Variants in SV2B observed in about 807,000 individuals in gnomAD.
SV2B encodes the protein synaptic vesicle glycoprotein 2B, also known as solute carrier family 22 member B2.
SV2B carries 41 observed loss-of-function variants against 73.9 expected under a neutral mutation model. That is an observed-to-expected ratio of 0.56 (90% CI 0.43 to 0.72). SV2B has a LOEUF of 0.72. Ranked by LOEUF, SV2B falls within the 30% of genes least tolerant of loss-of-function variation. The pLI is 0.00. For synonymous variants in SV2B, 314 were observed against 314.2 expected (o/e 1.00, Z 0.01); for missense variants, 764 against 857.8 (o/e 0.89, Z 1.37).
At chr15:91,119,717 A>G (rs990666181) in intron 1 of SV2B, among the ~76,000 whole-genome samples, 2 of 152,260 alleles carry the variant, frequency 1.3e-5, no homozygotes, top group African/African-American at 4.8e-5. Flanking sequence ...AGCTAGCACT[A>G]TGCATGTGCC....
chr15:91,194,973 CAGAATGAAGATGAAGG>C (rs1327988681), intron 1 of SV2B, among the ~76,000 whole-genome samples: 7,980 of 152,240 alleles, frequency 0.052, 676 homozygotes, highest in African/African-American at 0.18. Context: ...TATTCAGGAT[CAGAATGAAGATGAAGG>C]CATGGAGCAG....
At chr15:91,134,815 C>A (rs2141166239) in intron 1 of SV2B, among the ~76,000 whole-genome samples, 1 of 152,136 alleles carries the variant, frequency 6.6e-6, no homozygotes, top group Non-Finnish European at 1.5e-5. Flanking sequence ...CAAAAACTGC[C>A]CTGTACCAAA....
chr15:91,266,720 G>T, intron 7 of SV2B, 28 bp downstream of exon 7: 1 of 1,561,380 alleles, frequency 6.4e-7, no homozygotes. Context: ...CTTTGGATGA[G>T]GATGCGTCTC....
chr15:91,139,347 TAAA>T lies in SV2B; in HGVS notation c.-392+38991_-392+38993del, dbSNP rs34370427. Among the ~76,000 whole-genome samples, 2 of 150,726 alleles carry T rather than the reference TAAA, an allele frequency of 1.3e-5. No individual in the cohort carries two copies. Among genetic ancestry groups the T allele is most frequent in the Non-Finnish European group, 3.0e-5 (2 of 67,676 alleles). On this transcript the variant is annotated intron_variant, in intron 1 of 12. Transcript: ENST00000394232. This position sits in a 1 kb window ranked among gnomAD's most constrained non-coding sequence, Gnocchi z 5.2. ...CTTGCAAATTTCCACAATAAAATGT[TAAA>T]AAAAAAGAAGTAAGGGAAACTTCCA... is the stretch of plus-strand genomic sequence containing the variant.
At chr15:91,165,106 G>A (rs1344545502) in intron 1 of SV2B, among the ~76,000 whole-genome samples, 1 of 152,102 alleles carries the variant, frequency 6.6e-6, no homozygotes, top group Admixed American at 6.6e-5. Flanking sequence ...GGAGAGAGAG[G>A]TGGGTGGATC....
intron 11 of SV2B, among the ~76,000 whole-genome samples, chr15:91,285,693 C>T (rs2048836952): frequency 6.6e-6 from 1 of 152,220 alleles, no homozygotes; most frequent in Non-Finnish European, 1.5e-5. Context: ...AGACATGAGA[C>T]ACTTCCGCCA....
At chr15:91,254,170 A>T (rs2047594443) in intron 4 of SV2B, among the ~76,000 whole-genome samples, 2 of 150,584 alleles carry the variant, frequency 1.3e-5, no homozygotes, top group South Asian at 2.1e-4. Context: ...ACAATTCTTG[A>T]TATAATATCA....
intron 1 of SV2B, among the ~76,000 whole-genome samples, chr15:91,150,226 C>T (rs770919000): frequency 2.6e-4 from 40 of 151,954 alleles, no homozygotes; most frequent in Non-Finnish European, 4.9e-4. Context: ...AGGCTGGTCT[C>T]GAACTCCTGA....
chr15:91,174,938 A>G (rs1240271067), intron 1 of SV2B, among the ~76,000 whole-genome samples: 3 of 152,182 alleles, frequency 2.0e-5, no homozygotes, highest in Non-Finnish European at 4.4e-5. Context: ...GGGTCATAGA[A>G]GAGATGCCAA....
rs997390475 is a variant in SV2B, at chr15:91,287,561, C to G, written c.1709-1960C>G. On this transcript the variant is annotated intron_variant, in intron 11 of 12. Transcript: ENST00000394232. Reference sequence around the variant, plus strand: ...CTGGAATTGGGCAGCATTTGACAGTCTTCTTTGGATGGGATCTCCTATCAG... The same window carrying G: ...CTGGAATTGGGCAGCATTTGACAGTGTTCTTTGGATGGGATCTCCTATCAG... Among the ~76,000 whole-genome samples, 4 of 152,192 alleles carry G rather than the reference C, an allele frequency of 2.6e-5. No individual in the cohort carries two copies. The South Asian group carries it at 8.3e-4, about 31-fold the overall frequency.
rs566370359 is a variant in SV2B, at chr15:91,222,292, C to T, written c.-391-3581C>T. 2.5e-4 allele frequency among the ~76,000 whole-genome samples: 38 copies of T among 152,294 alleles called. 1 individual carries two copies. The highest frequency in any genetic ancestry group is 7.7e-4 in the African/African-American group (32 of 41,560). ...CAATAATAGTCCCACCTCATACGGT[C>T]GTTGTGCAGGTTAAAAGATGTAAAG... On this transcript the variant is annotated intron_variant, in intron 1 of 12. Coordinates refer to ENST00000394232, the MANE Select transcript of SV2B (RefSeq NM_001323032.3).
intron 1 of SV2B, among the ~76,000 whole-genome samples, chr15:91,207,353 C>G (rs2045682117): frequency 6.6e-6 from 1 of 151,910 alleles, no homozygotes; most frequent in African/African-American, 2.4e-5. Flanking sequence ...TGTCGGATAT[C>G]TAAAAAGGTG....
intron 2 of SV2B, among the ~76,000 whole-genome samples, chr15:91,246,010 G>T (rs1160262551): frequency 6.7e-6 from 1 of 149,908 alleles, no homozygotes; most frequent in African/African-American, 2.5e-5. Flanking sequence ...GAACATCAGG[G>T]ATGCCTTTCT....
At chr15:91,279,291 G>A (rs898847722) in intron 9 of SV2B, among the ~76,000 whole-genome samples, 11 of 152,184 alleles carry the variant, frequency 7.2e-5, no homozygotes, top group Non-Finnish European at 1.3e-4. Flanking sequence ...AACACATGTT[G>A]AATGTGACTT....
In SV2B at chr15:91,204,386, C is replaced by T. The variant is rs113746781; in HGVS notation, c.-391-21487C>T. On this transcript the variant is annotated intron_variant, in intron 1 of 12. Transcript: ENST00000394232. ...GCTACTGTAATAGGCAGTGTAGGAA[C>T]TTCTACTAGATAGCACATGAAGATG... is the stretch of plus-strand genomic sequence containing the variant. Among the ~76,000 whole-genome samples the T allele has an allele frequency of 4.7e-3, 719 of 152,178 alleles. 5 individuals are homozygous for T. The highest frequency in any genetic ancestry group is 0.016 in the African/African-American group (683 of 41,504).
intron 1 of SV2B, among the ~76,000 whole-genome samples, chr15:91,208,391 AT>A (rs1285977869): frequency 4.6e-5 from 7 of 152,216 alleles, no homozygotes; most frequent in African/African-American, 1.4e-4. Context: ...ACCCTTGAAA[AT>A]AAAACAACAT....
At chr15:91,168,557 GTCT>G (rs753994153) in intron 1 of SV2B, among the ~76,000 whole-genome samples, 13 of 152,230 alleles carry the variant, frequency 8.5e-5, no homozygotes, top group Middle Eastern at 6.8e-3. Context: ...CCCCTTTCCA[GTCT>G]TCTGGCTAGA....
At chr15:91,189,189 A>G (rs2044902522) in intron 1 of SV2B, among the ~76,000 whole-genome samples, 1 of 151,662 alleles carries the variant, frequency 6.6e-6, no homozygotes, top group African/African-American at 2.4e-5. Context: ...ACTTTTTTAT[A>G]GACTACATTT....
intron 5 of SV2B, 83 bp from the exon 6 acceptor site, chr15:91,260,237 A>C: frequency 1.7e-6 from 2 of 1,210,668 alleles, no homozygotes; most frequent in Non-Finnish European, 2.3e-6. Context: ...ATTCCCATTG[A>C]GTTTGTAGGA....
Sources: gnomAD v4.1 joint callset for allele counts (sites outside exome capture counted in the v4.1 genomes callset) on GRCh38, gnomAD v4.1.1 for gene constraint, Gnocchi (gnomAD v3.1) non-coding constraint, MANE v1.5 for transcripts, NCBI Gene and HGNC (gene_info 2026-07-23, HGNC 2026-07-21) for gene names.